GABRB3: variants seen among roughly 807,000 people sequenced by gnomAD.
GABRB3 encodes the protein gamma-aminobutyric acid receptor subunit beta-3.
GABRB3 carries 14 observed loss-of-function variants against 52.1 expected under a neutral mutation model. The ratio of observed to expected loss-of-function variants is 0.27; its 90% CI spans 0.18 to 0.42. The LOEUF (loss-of-function observed/expected upper bound fraction) is 0.42. Among genes scored for constraint, GABRB3 ranks in the 10% least tolerant of loss-of-function variants. The probability of loss-of-function intolerance (pLI) is 1.00; values close to 1 mark genes in which losing one functional copy is unlikely to be tolerated. For missense variants in GABRB3, 307 were observed against 609.1 expected (o/e 0.50, Z 5.22); for synonymous variants, 260 against 232.3 (o/e 1.12, Z -1.08).
chr15:26,600,481 AGAGAT>A (rs1246599966), intron 4 of GABRB3, among the ~76,000 whole-genome samples: 2 of 152,234 alleles, frequency 1.3e-5, no homozygotes, highest in Non-Finnish European at 2.9e-5. Flanking sequence ...AAAAGCATCC[AGAGAT>A]AAGAAACATA....
At chr15:26,606,506 A>G (rs959367821) in intron 4 of GABRB3, among the ~76,000 whole-genome samples, 4 of 152,154 alleles carry the variant, frequency 2.6e-5, no homozygotes, top group Admixed American at 6.5e-5. Flanking sequence ...ATATACTCCA[A>G]CACAATAAAG....
intron 3 of GABRB3, among the ~76,000 whole-genome samples, chr15:26,739,153 C>T (rs773922874): frequency 6.6e-6 from 1 of 152,052 alleles, no homozygotes; most frequent in South Asian, 2.1e-4. Context: ...CACTGGGAGG[C>T]GGATAGGGCA....
chr15:26,663,541 G>A (rs1887613358), intron 3 of GABRB3, among the ~76,000 whole-genome samples: 1 of 152,070 alleles, frequency 6.6e-6, no homozygotes, highest in Non-Finnish European at 1.5e-5. Flanking sequence ...TTAAAAGTTA[G>A]TGCCTGCATA....
chr15:26,762,693 G>C (rs1402125672), intron 3 of GABRB3, among the ~76,000 whole-genome samples: 1 of 152,180 alleles, frequency 6.6e-6, no homozygotes, highest in African/African-American at 2.4e-5. Context: ...GAAACACTTA[G>C]ATTACAGGAC....
chr15:26,686,984 C>A (rs28536117), intron 3 of GABRB3, among the ~76,000 whole-genome samples: 45,408 of 152,228 alleles, frequency 0.3, 8,252 homozygotes, highest in East Asian at 0.52. Context: ...GACCACGCAG[C>A]CACCCGCCAG....
intron 3 of GABRB3, among the ~76,000 whole-genome samples, chr15:26,754,609 CT>C (rs893311320): frequency 7.2e-5 from 11 of 151,972 alleles, no homozygotes; most frequent in Non-Finnish European, 1.3e-4. Context: ...TGATGTCTGA[CT>C]TTTTTTTTCT....
At chr15:26,582,053 G>A (rs1381360645) in intron 5 of GABRB3, among the ~76,000 whole-genome samples, 2 of 152,138 alleles carry the variant, frequency 1.3e-5, no homozygotes, top group Admixed American at 6.5e-5. Flanking sequence ...CCAATATGGA[G>A]ACATGTGTAG....
intron 3 of GABRB3, among the ~76,000 whole-genome samples, chr15:26,696,842 C>T (rs529692112): frequency 1.6e-4 from 24 of 152,272 alleles, no homozygotes; most frequent in African/African-American, 5.8e-4. Flanking sequence ...ACAAAAAACT[C>T]GCATATGAAG....
At chr15:26,577,106 T>C (rs1595453841) in intron 6 of GABRB3, among the ~76,000 whole-genome samples, 1 of 151,874 alleles carries the variant, frequency 6.6e-6, no homozygotes, top group Admixed American at 6.6e-5. Context: ...CGTGTGTAAT[T>C]GGGGTTCTAG....
intron 3 of GABRB3, among the ~76,000 whole-genome samples, chr15:26,712,159 C>T (rs1009652422): frequency 1.3e-4 from 18 of 143,576 alleles, no homozygotes; most frequent in African/African-American, 4.6e-4. Context: ...AGAATGCTCA[C>T]ATCAGTGGAC....
intron 3 of GABRB3, among the ~76,000 whole-genome samples, chr15:26,757,573 T>A (rs1401304281): frequency 6.6e-6 from 1 of 152,190 alleles, no homozygotes; most frequent in Non-Finnish European, 1.5e-5. Context: ...AGAGCAGTTA[T>A]AATAGAGTTA....
At chr15:26,582,507 C>A (rs1283073834) in intron 5 of GABRB3, among the ~76,000 whole-genome samples, 1 of 152,148 alleles carries the variant, frequency 6.6e-6, no homozygotes, top group African/African-American at 2.4e-5. Flanking sequence ...TCTGTGAAAG[C>A]ACAGCTCTCA....
chr15:26,577,096 C>T (rs189465355), intron 6 of GABRB3, among the ~76,000 whole-genome samples: 45 of 152,174 alleles, frequency 3.0e-4, no homozygotes, highest in East Asian at 2.7e-3. Flanking sequence ...AGATCGGGTA[C>T]GTGTGTAATT....
chr15:26,765,192 T>C (rs1890964219), intron 3 of GABRB3, among the ~76,000 whole-genome samples: 1 of 151,156 alleles, frequency 6.6e-6, no homozygotes, highest in Non-Finnish European at 1.5e-5. Flanking sequence ...TCATATACTT[T>C]CTAAGGAGAC....
rs1343183305 is a variant in GABRB3, at chr15:26,621,537, G to A, written c.241-3C>T. The A allele has an allele frequency of 6.2e-7, 1 of 1,605,710 alleles. No individual in the cohort carries two copies. Among genetic ancestry groups the A allele is most frequent in the South Asian group, 1.1e-5 (1 of 90,892 alleles). On this transcript the variant is annotated splice_polypyrimidine_tract_variant and splice_region_variant and intron_variant, in intron 3 of 8. Transcript: ENST00000311550. This position sits in a 1 kb window ranked among gnomAD's most constrained non-coding sequence, Gnocchi z 4.1. ...AAATACATGGTTAAGGTATAATCCTGGGGGGAAAAGAAAAGAAAGAAAGTT... is the reference window on the plus strand; with the variant it reads ...AAATACATGGTTAAGGTATAATCCTAGGGGGAAAAGAAAAGAAAGAAAGTT...
intron 3 of GABRB3, among the ~76,000 whole-genome samples, chr15:26,743,117 A>G (rs1484458439): frequency 6.6e-6 from 1 of 151,880 alleles, no homozygotes; most frequent in Non-Finnish European, 1.5e-5. Flanking sequence ...TTTAGTAGAG[A>G]TGGTGTTTCA....
chr15:26,580,102 C>T (rs1890733659), intron 6 of GABRB3, among the ~76,000 whole-genome samples: 1 of 152,126 alleles, frequency 6.6e-6, no homozygotes. Flanking sequence ...ATAACCAGTC[C>T]CAGAGAGCAT....
chr15:26,716,630 C>T (rs1179091789), intron 3 of GABRB3: 1 of 1,001,844 alleles, frequency 1.0e-6, no homozygotes, highest in Non-Finnish European at 1.2e-6. Context: ...TTAGAGGCCT[C>T]TTGTGGGTTC....
chr15:26,550,961 A>T (rs554380097), intron 8 of GABRB3, among the ~76,000 whole-genome samples: 25 of 152,354 alleles, frequency 1.6e-4, no homozygotes, highest in South Asian at 1.0e-3. Context: ...GAAATTTTTC[A>T]GACAAAATGC....
Sources: gnomAD v4.1 joint callset for allele counts (sites outside exome capture counted in the v4.1 genomes callset) on GRCh38, gnomAD v4.1.1 for gene constraint, Gnocchi (gnomAD v3.1) non-coding constraint, MANE v1.5 for transcripts, NCBI Gene and HGNC (gene_info 2026-07-23, HGNC 2026-07-21) for gene names.